FAM47E: variants seen among roughly 807,000 people sequenced by gnomAD.
FAM47E encodes the protein protein FAM47E.
A neutral mutation model predicts 41.6 loss-of-function variants in FAM47E; 32 were observed. The observed-to-expected ratio is 0.77, with a 90% CI of 0.58 to 1.03. The LOEUF is 1.03. Ranked by LOEUF, FAM47E falls within the 50% of genes least tolerant of loss-of-function variation. The probability of loss-of-function intolerance (pLI) is 0.00; values close to 1 mark genes in which losing one functional copy is unlikely to be tolerated. For synonymous variants in FAM47E, 184 were observed against 188.7 expected, an observed-to-expected ratio of 0.98 and a Z score of 0.20; for missense variants, 424 against 485.4, an observed-to-expected ratio of 0.87 and a Z score of 1.19.
At chr4:76,277,158 G>A (rs544664624) in intron 5 of FAM47E, among the ~76,000 whole-genome samples, 79 of 152,270 alleles carry the variant, frequency 5.2e-4, no homozygotes, top group Admixed American at 1.4e-3. Context: ...AATGAGATAT[G>A]TTCATCGTCC....
At chr4:76,236,491 A>C (rs1338335262) in intron 2 of FAM47E, 1 of 152,200 alleles carries the variant, frequency 6.6e-6, no homozygotes, top group African/African-American at 2.4e-5. Flanking sequence ...GCCAAATATG[A>C]GTGACCGTGG....
At chr4:76,272,975 T>A (rs925739085) in intron 5 of FAM47E, among the ~76,000 whole-genome samples, 1 of 152,246 alleles carries the variant, frequency 6.6e-6, no homozygotes, top group African/African-American at 2.4e-5. Flanking sequence ...TCAGCTTTTG[T>A]ATGTCTGAAG....
rs554282287 is a variant in FAM47E at position 76,251,752 on chromosome 4, G to T, written c.6G>T (p.Ala2=). 3 of 1,483,316 alleles carry T rather than the reference G, an allele frequency of 2.0e-6. No individual in the cohort carries two copies. The highest frequency in any genetic ancestry group is 1.3e-5 in the South Asian group (1 of 78,310). The allele number at this position is 1,483,316 out of a possible 1,614,324, so 91.9% of individuals were successfully genotyped here. The part of the protein sequence containing the change: M[A]DRRRRLRPGT... Reference sequence around the variant, plus strand: ...GCCGCGAAGCTAGGGCCACCATGGCGGACCGCAGGCGGCGGCTCCGGCCGG... The same window carrying T: ...GCCGCGAAGCTAGGGCCACCATGGCTGACCGCAGGCGGCGGCTCCGGCCGG... The change falls in exon 1 of 8, where the codon GCG becomes GCT. Residue 2 remains alanine (A), a synonymous_variant. Coordinates refer to ENST00000424749, the MANE Select transcript of FAM47E (RefSeq NM_001136570.3).
chr4:76,222,685 T>G (rs983760279), intron 2 of FAM47E, among the ~76,000 whole-genome samples: 3 of 152,242 alleles, frequency 2.0e-5, no homozygotes, highest in Non-Finnish European at 2.9e-5. Context: ...CTTGTCACTG[T>G]TGAAGTTCTC....
At chr4:76,217,458 A>G (rs987966048) in intron 1 of FAM47E, 1 of 405,362 alleles carries the variant, frequency 2.5e-6, no homozygotes, top group Non-Finnish European at 4.4e-6. Flanking sequence ...TGCCTCCCTC[A>G]GGCATGAGTG....
In FAM47E at chr4:76,271,692, G is replaced by A. The variant is rs1460847469; in HGVS notation, c.794G>A (p.Ser265Asn). The change falls in exon 5 of 8, where the codon AGT (serine) becomes AAT (asparagine). Residue 265 changes from serine (S) to asparagine (N), a missense_variant. Transcript: ENST00000424749. ...LNQVPLELKR[S>N]VGLSKLQETE... ...CAGGTTCCTCTGGAGCTAAAGCGTA[G>A]TGTGGGGCTCAGTAAACTGCAGGAG... 4 of 1,551,950 alleles carry A rather than the reference G, an allele frequency of 2.6e-6. No homozygotes were observed. The highest frequency in any genetic ancestry group is 3.5e-6 in the Non-Finnish European group (4 of 1,147,032).
intron 2 of FAM47E, among the ~76,000 whole-genome samples, chr4:76,243,050 G>A (rs1733743869): frequency 6.6e-6 from 1 of 152,186 alleles, no homozygotes. Flanking sequence ...CATTAGTAAT[G>A]TACCCCAGAG....
intron 3 of FAM47E, among the ~76,000 whole-genome samples, chr4:76,264,187 A>G (rs1734534985): frequency 6.6e-6 from 1 of 152,132 alleles, no homozygotes; most frequent in South Asian, 2.1e-4. Context: ...AGTGCTCAGC[A>G]TGCCAAAGCA....
chr4:76,236,813 G>T (rs1293458708), intron 2 of FAM47E, among the ~76,000 whole-genome samples: 1 of 152,066 alleles, frequency 6.6e-6, no homozygotes, highest in Non-Finnish European at 1.5e-5. Context: ...AAGGATTGTG[G>T]AGACTAAAGT....
chr4:76,265,944 A>G (rs1734614878), intron 3 of FAM47E, among the ~76,000 whole-genome samples: 1 of 149,438 alleles, frequency 6.7e-6, no homozygotes, highest in Non-Finnish European at 1.5e-5. Context: ...ATTCATACTC[A>G]CTTAGTCTTT....
intron 2 of FAM47E, among the ~76,000 whole-genome samples, chr4:76,233,588 A>G (rs72655551): frequency 5.1e-3 from 3 of 586 alleles, no homozygotes; most frequent in Admixed American, 0.056. Context: ...ACACACACGC[A>G]CACACACACA....
At chr4:76,241,336 C>G (rs999409066) in intron 2 of FAM47E, among the ~76,000 whole-genome samples, 6 of 152,108 alleles carry the variant, frequency 3.9e-5, no homozygotes, top group Non-Finnish European at 8.8e-5. Context: ...GTGCTTCAGC[C>G]AGAGGAGGTG....
chr4:76,218,838 G>T (rs1360451826), intron 2 of FAM47E, among the ~76,000 whole-genome samples: 1 of 152,138 alleles, frequency 6.6e-6, no homozygotes, highest in Non-Finnish European at 1.5e-5. Context: ...GGGCAAAAAG[G>T]GTGAATATGT....
chr4:76,234,190 G>A (rs1733542221), intron 2 of FAM47E: 1 of 152,476 alleles, frequency 6.6e-6, no homozygotes, highest in African/African-American at 2.4e-5. Context: ...AAAAGGCCAT[G>A]AAAAGGCTGG....
At chr4:76,224,841 G>A (rs1394280618) in intron 2 of FAM47E, among the ~76,000 whole-genome samples, 2 of 152,010 alleles carry the variant, frequency 1.3e-5, no homozygotes, top group East Asian at 1.9e-4. Flanking sequence ...AGATTTTGGT[G>A]CACACATCAC....
rs185725046 is a variant in FAM47E at position 76,236,901 on chromosome 4, T to C, written c.81+19213T>C. Among the ~76,000 whole-genome samples the C allele has an allele frequency of 9.9e-3, 1,481 of 149,888 alleles. 28 individuals carry two copies. Among genetic ancestry groups the C allele is most frequent in the African/African-American group, 0.034 (1,386 of 41,124 alleles). ...TAAAATATGTTTCTTTTCTTTCTTT[T>C]TTTTTTTTTTTTGAGATAGAGTCTC... On this transcript the variant is annotated intron_variant, in intron 2 of 7. Transcript: ENST00000510197.
chr4:76,220,054 G>A (rs1313775968), intron 2 of FAM47E, among the ~76,000 whole-genome samples: 1 of 152,196 alleles, frequency 6.6e-6, no homozygotes, highest in African/African-American at 2.4e-5. Context: ...AAGCAGAACT[G>A]TTTCCTCCAT....
chr4:76,278,497 C>G (rs1735220269), intron 6 of FAM47E: 1 of 410,848 alleles, frequency 2.4e-6, no homozygotes, highest in African/African-American at 2.0e-5. Context: ...ACAATTTATT[C>G]CAAGGATAAT....
Position 76,239,287 on chromosome 4 carries a change from C to A in FAM47E, c.81+21599C>A, listed in dbSNP as rs1022105237. Among the ~76,000 whole-genome samples, 11 of 152,226 alleles carry A rather than the reference C, an allele frequency of 7.2e-5. No individual in the cohort carries two copies. In the East Asian group the frequency reaches 2.1e-3, roughly 29 times the overall value. On this transcript the variant is annotated intron_variant, in intron 2 of 7. Transcript: ENST00000510197. ...AATGCTGGGTCATATGGTAATTCTA[C>A]TTTTAGTTTTTAAAGAACCACCATT...
Sources: allele counts gnomAD v4.1 joint callset (sites outside exome capture counted in the v4.1 genomes callset), GRCh38; gene constraint gnomAD v4.1.1; transcripts MANE v1.5; gene names NCBI Gene and HGNC (gene_info 2026-07-23, HGNC 2026-07-21).